SLC35F1: variants seen among roughly 807,000 people sequenced by gnomAD.
The protein encoded by SLC35F1 is chromosome 6 open reading frame 169.
SLC35F1 carries 14 observed loss-of-function variants against 48.7 expected under a neutral mutation model. The observed-to-expected ratio is 0.29, with a 90% CI of 0.19 to 0.45. SLC35F1 has a LOEUF of 0.45. Among genes scored for constraint, SLC35F1 ranks in the 20% least tolerant of loss-of-function variants. The pLI is 1.00. For missense variants in SLC35F1, 404 were observed against 500.0 expected (o/e 0.81, Z 1.83); for synonymous variants, 190 against 202.2 (o/e 0.94, Z 0.51).
At chr6:118,046,152 G>A (rs1772296914) in intron 1 of SLC35F1, among the ~76,000 whole-genome samples, 1 of 152,152 alleles carries the variant, frequency 6.6e-6, no homozygotes, top group African/African-American at 2.4e-5. Context: ...TGGCTTTGTA[G>A]GCAAAGTCTT....
intron 1 of SLC35F1, among the ~76,000 whole-genome samples, chr6:118,128,675 G>T (rs566659710): frequency 2.6e-5 from 4 of 151,902 alleles, no homozygotes; most frequent in Non-Finnish European, 2.9e-5. Flanking sequence ...GTGGGAGGAG[G>T]GGGGAGGGAT....
At chr6:117,919,741 AT>A (rs1259740056) in intron 1 of SLC35F1, among the ~76,000 whole-genome samples, 2 of 152,224 alleles carry the variant, frequency 1.3e-5, no homozygotes, top group Non-Finnish European at 2.9e-5. Flanking sequence ...TATGTATTTA[AT>A]AAAAGTATAA....
chr6:118,010,862 T>C (rs17223658), intron 1 of SLC35F1, among the ~76,000 whole-genome samples: 55,108 of 152,020 alleles, frequency 0.36, 10,661 homozygotes, highest in South Asian at 0.51. Context: ...AATAACCTCC[T>C]TCCTTTTCTA....
At chr6:117,960,076 A>G (rs887653437) in intron 1 of SLC35F1, among the ~76,000 whole-genome samples, 11 of 151,984 alleles carry the variant, frequency 7.2e-5, no homozygotes, top group African/African-American at 2.7e-4. Context: ...CTAAGCCCCT[A>G]TTGATTGCAA....
At chr6:118,172,837 A>C (rs1236686571) in intron 2 of SLC35F1, among the ~76,000 whole-genome samples, 1 of 152,166 alleles carries the variant, frequency 6.6e-6, no homozygotes, top group African/African-American at 2.4e-5. Context: ...CATTTATTTA[A>C]GCCACAGCTC....
chr6:118,154,403 T>G lies in SLC35F1; in HGVS notation c.174-42T>G, dbSNP rs58133996. ...TTAATTGCTATTGTTTTAATGGGCT[T>G]CCTGCTGACCTTTGCTGTGTTTTTT... is the stretch of plus-strand genomic sequence containing the variant. On this transcript the variant is annotated intron_variant, in intron 1 of 7. Transcript: ENST00000360388. 3.7e-3 allele frequency: 5,827 copies of G among 1,557,490 alleles called. 213 individuals are homozygous for G. In the African/African-American group the frequency reaches 0.07, roughly 19 times the overall value.
chr6:118,282,878 G>C (rs1776000339), intron 6 of SLC35F1, among the ~76,000 whole-genome samples: 1 of 152,134 alleles, frequency 6.6e-6, no homozygotes, highest in African/African-American at 2.4e-5. Flanking sequence ...CTCTTGCCGG[G>C]ATTGTGACAC....
chr6:118,118,941 C>CTT (rs35921856), intron 1 of SLC35F1, among the ~76,000 whole-genome samples: 1 of 143,736 alleles, frequency 7.0e-6, no homozygotes, highest in African/African-American at 2.6e-5. Flanking sequence ...TGCTTGTTTG[C>CTT]TTTTTTTTTT....
chr6:117,975,723 T>G (rs1398311136), intron 1 of SLC35F1, among the ~76,000 whole-genome samples: 2 of 152,202 alleles, frequency 1.3e-5, no homozygotes, highest in Admixed American at 1.3e-4. Context: ...TATGCTGAAG[T>G]TGTAGTCTGT....
intron 1 of SLC35F1, among the ~76,000 whole-genome samples, chr6:118,134,719 A>G (rs1773768405): frequency 6.6e-6 from 1 of 152,182 alleles, no homozygotes; most frequent in African/African-American, 2.4e-5. Flanking sequence ...GCCAGGGACA[A>G]GAAAATTACA....
intron 1 of SLC35F1, among the ~76,000 whole-genome samples, chr6:117,934,394 T>C (rs1029450394): frequency 6.6e-6 from 1 of 152,118 alleles, no homozygotes; most frequent in Non-Finnish European, 1.5e-5. Flanking sequence ...TCTGGGACAG[T>C]ATTGGGGAGA....
intron 1 of SLC35F1, among the ~76,000 whole-genome samples, chr6:118,029,391 A>G (rs893003244): frequency 2.0e-5 from 3 of 151,974 alleles, no homozygotes; most frequent in African/African-American, 7.3e-5. Context: ...AGACAGAGAG[A>G]CCATGTTCAC....
At chr6:118,004,695 G>A (rs1458145570) in intron 1 of SLC35F1, among the ~76,000 whole-genome samples, 7 of 152,136 alleles carry the variant, frequency 4.6e-5, no homozygotes, top group Non-Finnish European at 2.9e-5. Context: ...CTGAGTAGCT[G>A]AGACTACAGG....
At chr6:118,313,171 G>A (rs763989500) in intron 7 of SLC35F1, among the ~76,000 whole-genome samples, 12 of 152,192 alleles carry the variant, frequency 7.9e-5, no homozygotes, top group Non-Finnish European at 1.6e-4. Flanking sequence ...AGGAGTGAAT[G>A]AAGGAATGAA....
intron 1 of SLC35F1, among the ~76,000 whole-genome samples, chr6:117,991,720 CT>C (rs1381199406): frequency 2.0e-5 from 3 of 152,186 alleles, no homozygotes; most frequent in Non-Finnish European, 4.4e-5. Flanking sequence ...AAGTCTGTCT[CT>C]TGGTACCTTT....
chr6:118,032,559 A>C (rs1274012731), intron 1 of SLC35F1, among the ~76,000 whole-genome samples: 1 of 152,198 alleles, frequency 6.6e-6, no homozygotes. Context: ...TGGAGTAGAA[A>C]AAATAATAGT....
At chr6:118,033,519 T>C (rs1772082494) in intron 1 of SLC35F1, among the ~76,000 whole-genome samples, 1 of 152,210 alleles carries the variant, frequency 6.6e-6, no homozygotes, top group Non-Finnish European at 1.5e-5. Flanking sequence ...AAGAAGAAAC[T>C]TAAATTTGAG....
intron 2 of SLC35F1, among the ~76,000 whole-genome samples, chr6:118,180,363 G>A (rs924057528): frequency 5.3e-5 from 8 of 151,952 alleles, no homozygotes; most frequent in South Asian, 2.1e-4. Context: ...AAGAGGCAGC[G>A]TAACAATAAG....
chr6:118,304,648 G>A (rs1302867137), intron 7 of SLC35F1, among the ~76,000 whole-genome samples: 6 of 152,100 alleles, frequency 3.9e-5, no homozygotes, highest in South Asian at 2.1e-4. Context: ...TTTACTCTTC[G>A]TGATGTAAGG....
Sources: gnomAD v4.1 joint callset for allele counts (sites outside exome capture counted in the v4.1 genomes callset) on GRCh38, gnomAD v4.1.1 for gene constraint, MANE v1.5 for transcripts, NCBI Gene and HGNC (gene_info 2026-07-23, HGNC 2026-07-21) for gene names.